TRIM14: variants seen among roughly 807,000 people sequenced by gnomAD.
TRIM14 encodes the protein tripartite motif containing 14, also known as tripartite motif-containing protein 14.
A neutral mutation model predicts 44.5 loss-of-function variants in TRIM14; 28 were observed. The observed-to-expected ratio is 0.63, with a 90% CI of 0.47 to 0.86. The LOEUF is 0.86. TRIM14 is among the 40% of genes least tolerant of loss of function. The pLI is 0.00. For synonymous variants in TRIM14, 299 were observed against 269.2 expected, an observed-to-expected ratio of 1.11 and a Z score of -1.08; for missense variants, 607 against 611.1, an observed-to-expected ratio of 0.99 and a Z score of 0.07.
intron 6 of TRIM14, chr9:98,078,199 C>CA: frequency 6.2e-7 from 1 of 1,614,186 alleles, no homozygotes; most frequent in Non-Finnish European, 8.5e-7. Flanking sequence ...TCAGGTCGCC[C>CA]AATGGTGATC....
At chr9:98,076,875 TTTGGACAATGGTGAAAAGG>T (rs1433603343) in intron 6 of TRIM14, 1 of 1,508,706 alleles carries the variant, frequency 6.6e-7, no homozygotes, top group African/African-American at 1.4e-5. Flanking sequence ...CAACAGTGTT[TTTGGACAATGGTGAAAAGG>T]AGCTCCCTCT....
At chr9:98,074,815 A>G (rs985222043) in intron 6 of TRIM14, 48 of 152,348 alleles carry the variant, frequency 3.2e-4, no homozygotes, top group African/African-American at 1.2e-3. Flanking sequence ...CACAAGATGA[A>G]CATTATACAA....
chr9:98,079,106 A>C lies in TRIM14; in HGVS notation c.*28+8336T>G, dbSNP rs139018979. ...ATTACTCTCTCCCACGATTTTGCCT[A>C]CTCAGTCATTTCACAGATGGTGAAA... On this transcript the variant is annotated intron_variant, in intron 6 of 6. Transcript: ENST00000375098. 4.4e-3 allele frequency among the ~76,000 whole-genome samples: 670 copies of C among 152,080 alleles called. 2 individuals carry two copies. Among genetic ancestry groups the C allele is most frequent in the African/African-American group, 0.015 (629 of 41,464 alleles).
Position 98,087,480 on chromosome 9 carries a change from C to T in TRIM14, c.1319G>A (p.Arg440Gln), listed in dbSNP as rs1825820499. 13 of 1,603,400 alleles carry T rather than the reference C, an allele frequency of 8.1e-6. No individual in the cohort carries two copies. Among genetic ancestry groups the T allele is most frequent in the African/African-American group, 1.3e-5 (1 of 74,890 alleles). Residue 440 changes from arginine to glutamine, a missense_variant, in exon 6 of 6, where the codon CGG (arginine) becomes CAG (glutamine). Physicochemically the swap from Arg to Gln is conservative, Grantham distance 43. Around this residue, in one of 3 missense-constraint regions of TRIM14, gnomAD observed 356 missense variants for 323.0 expected, o/e 1.10. Transcript: ENST00000341469. Reference sequence around the variant, plus strand: ...CGCCGGTCCTGGCCCCTAGGGCAGCCGGGGGATGCTGATGGCCCCCTCCCA... The same window carrying T: ...CGCCGGTCCTGGCCCCTAGGGCAGCTGGGGGATGCTGATGGCCCCCTCCCA... ...RLWEGAISIP[R>Q]LP
intron 6 of TRIM14, among the ~76,000 whole-genome samples, chr9:98,071,083 A>C (rs1692033424): frequency 6.6e-6 from 1 of 152,338 alleles, no homozygotes; most frequent in African/African-American, 2.4e-5. Context: ...AAGTGCTAGG[A>C]TTACAGGTGT....
downstream of TRIM14, among the ~76,000 whole-genome samples, chr9:98,067,488 G>A (rs139674846): frequency 1.6e-4 from 24 of 152,274 alleles, no homozygotes; most frequent in African/African-American, 3.8e-4. Context: ...TTTCTCTGAT[G>A]CATCTTTTCA....
At chr9:98,102,062 C>T (rs534010717) in intron 2 of TRIM14, among the ~76,000 whole-genome samples, 13 of 150,610 alleles carry the variant, frequency 8.6e-5, no homozygotes, top group Admixed American at 6.6e-4. Flanking sequence ...GCGTCACTAG[C>T]AGAAACAGAA....
At chr9:98,109,243 AGGGGAGGAGGGAG>A (rs1417376384) in intron 2 of TRIM14, among the ~76,000 whole-genome samples, 5 of 150,502 alleles carry the variant, frequency 3.3e-5, no homozygotes, top group African/African-American at 1.2e-4. Flanking sequence ...CAGAGGATGA[AGGGGAGGAGGGAG>A]CAACAGAGGA....
intron 1 of TRIM14, among the ~76,000 whole-genome samples, chr9:98,113,106 T>C (rs1166731217): frequency 5.5e-5 from 5 of 90,510 alleles, no homozygotes; most frequent in South Asian, 4.1e-4. Context: ...AGAGCGAAAC[T>C]CCATCTCAAA....
At chr9:98,106,619 T>C (rs1044498992) in intron 2 of TRIM14, among the ~76,000 whole-genome samples, 19 of 152,198 alleles carry the variant, frequency 1.2e-4, no homozygotes, top group Middle Eastern at 3.2e-3. Flanking sequence ...CACTTAGGTG[T>C]TAGTCTAACA....
intron 6 of TRIM14, among the ~76,000 whole-genome samples, chr9:98,079,070 C>G (rs1287284315): frequency 1.3e-5 from 2 of 151,998 alleles, no homozygotes; most frequent in Non-Finnish European, 2.9e-5. Context: ...ATAGTGACAG[C>G]CTTGATGGAA....
At chr9:98,094,715 G>C in intron 4 of TRIM14, 152 bp downstream of exon 4, 1 of 787,876 alleles carries the variant, frequency 1.3e-6, no homozygotes, top group African/African-American at 1.7e-5. Flanking sequence ...GGTGAGGGTG[G>C]GTTGGGCACC....
intron 2 of TRIM14, among the ~76,000 whole-genome samples, chr9:98,107,427 T>C (rs1024562966): frequency 2.0e-5 from 3 of 152,286 alleles, no homozygotes; most frequent in East Asian, 1.9e-4. Context: ...CTATGGTACA[T>C]GCATACTATC....
chr9:98,051,039 G>A, the TRIM14 span, among the ~76,000 whole-genome samples: 5,872 of 152,198 alleles, frequency 0.039, 162 homozygotes, highest in Non-Finnish European at 0.061. Context: ...CTCCCAAAGT[G>A]CTGGGATTAC....
At chr9:98,117,276 T>TTTTTTTTATTTA (rs1827087996) in intron 1 of TRIM14, among the ~76,000 whole-genome samples, 1 of 147,636 alleles carries the variant, frequency 6.8e-6, no homozygotes, top group South Asian at 2.2e-4. Flanking sequence ...AGATTCTCTG[T>TTTTTTTTATTTA]TTTATTTATT....
chr9:98,042,473 A>C, the TRIM14 span, among the ~76,000 whole-genome samples: 2 of 152,180 alleles, frequency 1.3e-5, no homozygotes, highest in Admixed American at 1.3e-4. Context: ...ATATCGAATA[A>C]GCACTAAACC....
chr9:98,049,528 A>T, the TRIM14 span, among the ~76,000 whole-genome samples: 2 of 152,046 alleles, frequency 1.3e-5, no homozygotes, highest in Non-Finnish European at 2.9e-5. Context: ...CTTTTAGACC[A>T]TATGGGGTAA....
Position 98,100,141 on chromosome 9 carries a change from G to A in TRIM14, c.327C>T (p.Thr109=), listed in dbSNP as rs759967809. ...GTTCAGTGAATTTCCCCTTCAGCCAGGTTTTACTTGACTCTGCATTAGCCT... is the reference window on the plus strand; with the variant it reads ...GTTCAGTGAATTTCCCCTTCAGCCAAGTTTTACTTGACTCTGCATTAGCCT... The part of the protein sequence containing the change: ...KLKANAESSK[T]WLKGKFTELR... Residue 109 remains threonine, a synonymous_variant, in exon 3 of 6, where the codon ACC becomes ACT. Transcript: ENST00000341469. The A allele has an allele frequency of 6.2e-7, 1 of 1,614,114 alleles. No individual in the cohort carries two copies. The highest frequency in any genetic ancestry group is 8.5e-7 in the Non-Finnish European group (1 of 1,180,036).
chr9:98,101,461 T>C (rs1826388983), intron 2 of TRIM14, among the ~76,000 whole-genome samples: 1 of 151,706 alleles, frequency 6.6e-6, no homozygotes. Context: ...GTTTTGCTCT[T>C]GTCGCCTAGG....
Sources: gnomAD v4.1 joint callset for allele counts (sites outside exome capture counted in the v4.1 genomes callset) on GRCh38, gnomAD v4.1.1 for gene constraint, gnomAD v4.1.1 regional missense constraint, MANE v1.5 for transcripts, NCBI Gene and HGNC (gene_info 2026-07-23, HGNC 2026-07-21) for gene names.